The following NRXN3 variants were observed in gnomAD, a reference collection of about 807,000 sequenced individuals.
NRXN3 encodes the protein neurexin 3, also known as neurexin III.
Under a neutral mutation model 137.6 loss-of-function variants are expected in NRXN3, and 32 were observed. The ratio of observed to expected loss-of-function variants is 0.23; its 90% confidence interval spans 0.18 to 0.31. The LOEUF is 0.31. NRXN3 is among the 10% of genes least tolerant of loss of function. The pLI is 1.00. For missense variants in NRXN3, 1,574 were observed against 2,062.5 expected, an observed-to-expected ratio of 0.76 and a Z score of 4.59; for synonymous variants, 798 against 784.5, an observed-to-expected ratio of 1.02 and a Z score of -0.29.
intron 14 of NRXN3, among the ~76,000 whole-genome samples, chr14:78,982,876 G>T (rs1210838751): frequency 6.6e-6 from 1 of 152,056 alleles, no homozygotes; most frequent in African/African-American, 2.4e-5. Flanking sequence ...AAATATTTGT[G>T]AAGTGTATAT....
chr14:78,198,240 A>G (rs552369168), intron 1 of NRXN3, among the ~76,000 whole-genome samples: 2 of 152,294 alleles, frequency 1.3e-5, no homozygotes, highest in East Asian at 3.9e-4. Flanking sequence ...ATCATTCCGG[A>G]TGAGTGAGCA....
At chr14:78,727,179 G>A (rs2098489265) in intron 8 of NRXN3, among the ~76,000 whole-genome samples, 1 of 152,174 alleles carries the variant, frequency 6.6e-6, no homozygotes, top group Non-Finnish European at 1.5e-5. Context: ...GTTCCTTGCT[G>A]AGTTAATCCA....
At chr14:78,277,431 A>G (rs142045692) in intron 2 of NRXN3, among the ~76,000 whole-genome samples, 3 of 152,186 alleles carry the variant, frequency 2.0e-5, no homozygotes, top group African/African-American at 7.2e-5. Flanking sequence ...CAGTTGAATG[A>G]ATGATGGACT....
At chr14:78,741,465 G>A (rs114819863) in intron 8 of NRXN3, among the ~76,000 whole-genome samples, 3 of 152,194 alleles carry the variant, frequency 2.0e-5, no homozygotes, top group South Asian at 2.1e-4. Flanking sequence ...GCTTCTCAAC[G>A]TCTCAGTTTT....
rs990204540 is a variant in NRXN3, at chr14:79,115,715, C to T, written c.3262+127574C>T. On this transcript the variant is annotated intron_variant, in intron 15 of 20. Coordinates refer to ENST00000335750, the MANE Select transcript of NRXN3 (RefSeq NM_001330195.2). Reference sequence around the variant, plus strand: ...GAAAATACTGATCTGATGCTTTATGCTTCGAGAAAGAAAGCATATTGAGTA... The same window carrying T: ...GAAAATACTGATCTGATGCTTTATGTTTCGAGAAAGAAAGCATATTGAGTA... Among the ~76,000 whole-genome samples, 35 of 152,116 alleles carry T rather than the reference C, an allele frequency of 2.3e-4. 1 individual carries two copies. The highest frequency in any genetic ancestry group is 6.5e-4 in the African/African-American group (27 of 41,410).
At chr14:79,370,916 A>G (rs1047272189) in intron 15 of NRXN3, among the ~76,000 whole-genome samples, 1 of 152,170 alleles carries the variant, frequency 6.6e-6, no homozygotes, top group African/African-American at 2.4e-5. Context: ...CCTTGTAACA[A>G]TTTTGCAAAA....
intron 15 of NRXN3, among the ~76,000 whole-genome samples, chr14:79,076,866 A>G (rs2046063107): frequency 6.6e-6 from 1 of 152,188 alleles, no homozygotes. Flanking sequence ...GCCACAGAGT[A>G]GAGAAGCATT....
At chr14:78,616,585 A>G (rs1222739554) in intron 4 of NRXN3, among the ~76,000 whole-genome samples, 2 of 152,192 alleles carry the variant, frequency 1.3e-5, no homozygotes, top group Non-Finnish European at 2.9e-5. Context: ...TGCAAGATTG[A>G]TGAGGACAAG....
chr14:78,608,332 C>A (rs1240632190), intron 4 of NRXN3, among the ~76,000 whole-genome samples: 1 of 152,156 alleles, frequency 6.6e-6, no homozygotes, highest in Non-Finnish European at 1.5e-5. Flanking sequence ...CTAGATATAC[C>A]TTCAGCCAAA....
intron 15 of NRXN3, among the ~76,000 whole-genome samples, chr14:79,316,740 C>CTG (rs1203659078): frequency 2.0e-5 from 3 of 151,714 alleles, no homozygotes; most frequent in South Asian, 2.1e-4. Flanking sequence ...CTCTCTCTCT[C>CTG]TCTCTCTCTC....
At position 79,298,057 on chromosome 14, in the gene NRXN3, A is replaced by AT. The variant is rs1450346612; in HGVS notation, c.3263-169158dup. Among the ~76,000 whole-genome samples, 11 of 152,016 alleles carry AT rather than the reference A, an allele frequency of 7.2e-5. No homozygotes were observed. The South Asian group carries it at 1.5e-3, about 20-fold the overall frequency. Reference sequence around the variant, plus strand: ...GAGATGTTTGTCTTCATTTCTGTCTATTTTTTAACAGGTTTCTTTTATTTA... The same window carrying AT: ...GAGATGTTTGTCTTCATTTCTGTCTATTTTTTTAACAGGTTTCTTTTATTTA... On this transcript the variant is annotated intron_variant, in intron 15 of 20. Transcript: ENST00000335750.
chr14:79,516,801 T>C (rs532596281), intron 16 of NRXN3, among the ~76,000 whole-genome samples: 1 of 152,360 alleles, frequency 6.6e-6, no homozygotes, highest in Admixed American at 6.5e-5. Flanking sequence ...TCTTTTAATA[T>C]ATCACAGCTG....
At chr14:79,027,426 GA>G (rs2099600466) in intron 15 of NRXN3, among the ~76,000 whole-genome samples, 1 of 152,076 alleles carries the variant, frequency 6.6e-6, no homozygotes, top group Non-Finnish European at 1.5e-5. Flanking sequence ...ATAGAAAAGG[GA>G]ACAGCTGGGG....
At chr14:79,217,378 T>C (rs1200508709) in intron 15 of NRXN3, among the ~76,000 whole-genome samples, 1 of 152,010 alleles carries the variant, frequency 6.6e-6, no homozygotes. Flanking sequence ...GAGAACTCAC[T>C]CATTACTAAG....
Position 78,347,915 on chromosome 14 carries a change from C to T in NRXN3, c.757+50055C>T, listed in dbSNP as rs533274756. Among the ~76,000 whole-genome samples the T allele has an allele frequency of 7.6e-4, 116 of 152,218 alleles. 1 individual carries two copies. The highest frequency in any genetic ancestry group is 5.8e-4 in the East Asian group (3 of 5,178). ...AGGGAAATACAAAGAAGAGTGGAGT[C>T]GTTGCAGAAGGGTTTGTGGAGGGGG... On this transcript the variant is annotated intron_variant, in intron 4 of 20. Transcript: ENST00000335750.
intron 16 of NRXN3, among the ~76,000 whole-genome samples, chr14:79,468,289 A>T (rs1161910171): frequency 6.6e-6 from 1 of 152,242 alleles, no homozygotes; most frequent in East Asian, 1.9e-4. Flanking sequence ...CCATTTTATC[A>T]CCTGTGCAGT....
At chr14:78,582,780 A>G (rs2097015786) in intron 4 of NRXN3, among the ~76,000 whole-genome samples, 1 of 152,218 alleles carries the variant, frequency 6.6e-6, no homozygotes, top group African/African-American at 2.4e-5. Flanking sequence ...ATGGACTAAG[A>G]CAATAACCCA....
rs190503612 is a variant in NRXN3, at chr14:78,193,808, G to A, written c.-704+23134G>A. 4.1e-3 allele frequency among the ~76,000 whole-genome samples: 611 copies of A among 150,012 alleles called. 3 individuals carry two copies. Among genetic ancestry groups the A allele is most frequent in the South Asian group, 0.015 (72 of 4,700 alleles). Reference sequence around the variant, plus strand: ...TTATGTCTGAACTGACCAGAAGACAGAGTTCAGAGTTCAAGGCATCTGGCA... The same window carrying A: ...TTATGTCTGAACTGACCAGAAGACAAAGTTCAGAGTTCAAGGCATCTGGCA... On this transcript the variant is annotated intron_variant, in intron 1 of 20. Transcript: ENST00000335750.
rs960777952 is a variant in NRXN3, at chr14:79,166,622, G to A, written c.3262+178481G>A. Among the ~76,000 whole-genome samples the A allele has an allele frequency of 2.0e-5, 3 of 151,082 alleles. No individual in the cohort carries two copies. In the East Asian group the frequency reaches 5.8e-4, roughly 29 times the overall value. Reference sequence around the variant, plus strand: ...ATATTAAGAAGATTCTCTATTTTTAGTGCTGAGACCCAAGGATTAGTAAGA... The same window carrying A: ...ATATTAAGAAGATTCTCTATTTTTAATGCTGAGACCCAAGGATTAGTAAGA... On this transcript the variant is annotated intron_variant, in intron 15 of 20. Transcript: ENST00000335750.
Sources: allele counts gnomAD v4.1 joint callset (sites outside exome capture counted in the v4.1 genomes callset), GRCh38; gene constraint gnomAD v4.1.1; transcripts MANE v1.5; gene names NCBI Gene and HGNC (gene_info 2026-07-23, HGNC 2026-07-21).